GTPBP1: variants seen among roughly 807,000 people sequenced by gnomAD.
GTPBP1 encodes the protein GTP binding protein 1.
A neutral mutation model predicts 62.0 loss-of-function variants in GTPBP1; 23 were observed. That is an observed-to-expected ratio of 0.37 (90% CI 0.27 to 0.53). The LOEUF (loss-of-function observed/expected upper bound fraction) is 0.53. Ranked by LOEUF, GTPBP1 falls within the 20% of genes least tolerant of loss-of-function variation. The probability of loss-of-function intolerance (pLI) is 0.89; values close to 1 mark genes in which losing one functional copy is unlikely to be tolerated. For synonymous variants in GTPBP1, 344 were observed against 364.4 expected (o/e 0.94, Z 0.64); for missense variants, 640 against 917.3 (o/e 0.70, Z 3.90).
chr22:38,736,342 C>A, downstream of GTPBP1: 1 of 1,613,992 alleles, frequency 6.2e-7, no homozygotes, highest in East Asian at 2.2e-5. Flanking sequence ...TAGTCAGGAT[C>A]CGCAGCTCCA....
chr22:38,742,367 C>G, downstream of GTPBP1: 1 of 1,613,144 alleles, frequency 6.2e-7, no homozygotes, highest in Admixed American at 1.7e-5. Context: ...GGCTCACTAG[C>G]CCCTCCAGCA....
At chr22:38,724,682 G>A (rs2092717915) in intron 6 of GTPBP1, among the ~76,000 whole-genome samples, 1 of 152,212 alleles carries the variant, frequency 6.6e-6, no homozygotes, top group African/African-American at 2.4e-5. Context: ...TGAGACTTCA[G>A]TGTCCTTATC....
Position 38,727,230 on chromosome 22 carries a change from C to A in GTPBP1, c.1419C>A (p.Ile473=). 6.3e-7 allele frequency: 1 copy of A among 1,593,082 alleles called. No homozygotes were observed. The highest frequency in any genetic ancestry group is 8.5e-7 in the Non-Finnish European group (1 of 1,170,112). The change falls in exon 9 of 12, where the codon ATC becomes ATA. Residue 473 remains isoleucine (I), a synonymous_variant. Transcript: ENST00000216044. This position sits in a 1 kb window ranked among gnomAD's most constrained non-coding sequence, Gnocchi z 6.5. Reference sequence around the variant, plus strand: ...TCTTTCAGATCAAGCGCTCGTCCATCCGGAAGGGCATGGTGATGGTTTCCC... The same window carrying A: ...TCTTTCAGATCAAGCGCTCGTCCATACGGAAGGGCATGGTGATGGTTTCCC... The part of the protein sequence containing the change: ...FALKKIKRSS[I]RKGMVMVSPR...
rs528900105 is a variant in GTPBP1, at chr22:38,727,554, A to G, written c.1537+206A>G. 2.5e-4 allele frequency among the ~76,000 whole-genome samples: 38 copies of G among 152,348 alleles called. No homozygotes were observed. Among genetic ancestry groups the G allele is most frequent in the African/African-American group, 8.7e-4 (36 of 41,586 alleles). On this transcript the variant is annotated intron_variant, in intron 9 of 11. Transcript: ENST00000216044. The surrounding 1 kb of genome is among the most constrained non-coding windows in gnomAD (Gnocchi z 6.5). Reference sequence around the variant, plus strand: ...ACTGAGGGCTGGGCTCTTGAGACCCAGACCTGTCCTCAGGGACCTCACATG... The same window carrying G: ...ACTGAGGGCTGGGCTCTTGAGACCCGGACCTGTCCTCAGGGACCTCACATG...
chr22:38,730,995 C>A lies in GTPBP1; in HGVS notation c.*291C>A. ...AGTTTTTATTCTGTTTATTATATGTCTCTGTCTCTCTCTATTGTGTGTGTG... is the reference window on the plus strand; with the variant it reads ...AGTTTTTATTCTGTTTATTATATGTATCTGTCTCTCTCTATTGTGTGTGTG... On this transcript the variant is annotated 3_prime_UTR_variant, in exon 12 of 12. Transcript: ENST00000216044. This position sits in a 1 kb window ranked among gnomAD's most constrained non-coding sequence, Gnocchi z 5.6. The A allele has an allele frequency of 2.6e-6, 1 of 390,848 alleles. No homozygotes were observed. Among genetic ancestry groups the A allele is most frequent in the Non-Finnish European group, 4.5e-6 (1 of 221,910 alleles). 24.2% of individuals were successfully genotyped at this position (390,848 alleles called of 1,614,324 possible). A position where few individuals can be genotyped will look rare whatever the true frequency, so the allele number is the denominator to read the frequency against.
At chr22:38,740,851 G>T, downstream of GTPBP1, 1 of 789,616 alleles carries the variant, frequency 1.3e-6, no homozygotes, top group Non-Finnish European at 2.1e-6. This position sits in a 1 kb window ranked among gnomAD's most constrained non-coding sequence, Gnocchi z 4.8. Context: ...CAGGCCCTGG[G>T]CAGGGGTCCT....
At chr22:38,734,978 A>C (rs2092789452), downstream of GTPBP1, 1 of 284,050 alleles carries the variant, frequency 3.5e-6, no homozygotes, top group Non-Finnish European at 7.0e-6. Flanking sequence ...ACCACCAGAC[A>C]CAGCCGGAAC....
intron 5 of GTPBP1, 151 bp downstream of exon 5, chr22:38,722,016 T>C (rs1167065482): frequency 6.5e-6 from 3 of 458,590 alleles, no homozygotes; most frequent in African/African-American, 5.9e-5. Context: ...ATTTTTATTA[T>C]GTGCTCTACA....
At chr22:38,724,828 CTGT>C (rs2092718873) in intron 6 of GTPBP1, among the ~76,000 whole-genome samples, 1 of 152,186 alleles carries the variant, frequency 6.6e-6, no homozygotes, top group East Asian at 1.9e-4. Context: ...GTTTTTTATA[CTGT>C]TGTTCCTCAA....
chr22:38,709,511 CA>C (rs746219980), intron 2 of GTPBP1, among the ~76,000 whole-genome samples: 94 of 152,228 alleles, frequency 6.2e-4, no homozygotes, highest in Non-Finnish European at 3.5e-4. Context: ...TCTCTATTTG[CA>C]TAAGAGGAAA....
At chr22:38,742,663 A>T, downstream of GTPBP1, 1 of 1,420,172 alleles carries the variant, frequency 7.0e-7, no homozygotes, top group Non-Finnish European at 9.4e-7. Context: ...AAGATTCCAG[A>T]GACGTTCCAG....
chr22:38,740,552 T>C (rs1030834383), downstream of GTPBP1: 30 of 1,146,554 alleles, frequency 2.6e-5, no homozygotes, highest in Non-Finnish European at 3.4e-5. This position sits in a 1 kb window ranked among gnomAD's most constrained non-coding sequence, Gnocchi z 4.8. Context: ...CCAGCACTCA[T>C]TGTGAACCTG....
downstream of GTPBP1, chr22:38,740,993 G>T: frequency 6.3e-7 from 1 of 1,587,146 alleles, no homozygotes; most frequent in Non-Finnish European, 8.6e-7. This position sits in a 1 kb window ranked among gnomAD's most constrained non-coding sequence, Gnocchi z 4.8. Context: ...AGGCCAGCTG[G>T]TGGCGCCCAG....
At chr22:38,736,216 G>T (rs1445878573), downstream of GTPBP1, 1 of 1,534,756 alleles carries the variant, frequency 6.5e-7, no homozygotes. Context: ...AAGCGGCGGG[G>T]TGCTGTTCAC....
downstream of GTPBP1, chr22:38,736,566 T>G (rs1328778816): frequency 4.1e-6 from 2 of 487,430 alleles, no homozygotes; most frequent in Non-Finnish European, 7.3e-6. Flanking sequence ...TTCCAGCCAG[T>G]GGGTTAAGGG....
chr22:38,738,716 C>G (rs769348599), downstream of GTPBP1: 1 of 1,613,492 alleles, frequency 6.2e-7, no homozygotes, highest in Non-Finnish European at 8.5e-7. The surrounding 1 kb of genome is among the most constrained non-coding windows in gnomAD (Gnocchi z 6.6). Context: ...AGCCTTGTGG[C>G]CCCTGGAAGG....
intron 5 of GTPBP1, among the ~76,000 whole-genome samples, chr22:38,722,363 A>G (rs538650304): frequency 5.9e-5 from 9 of 152,334 alleles, no homozygotes; most frequent in Non-Finnish European, 1.0e-4. Context: ...GCTTAATACA[A>G]AGACATTCAA....
chr22:38,735,473 A>G, downstream of GTPBP1: 1 of 296,088 alleles, frequency 3.4e-6, no homozygotes, highest in South Asian at 2.7e-5. Context: ...GAATGTGGAA[A>G]GCAAGCTCAG....
chr22:38,739,071 G>A (rs1393527675), downstream of GTPBP1: 1 of 1,360,500 alleles, frequency 7.4e-7, no homozygotes, highest in East Asian at 2.5e-5. The surrounding 1 kb of genome is among the most constrained non-coding windows in gnomAD (Gnocchi z 6.7). Flanking sequence ...CTCGCTGAAG[G>A]TGGACGGCAG....
Sources: gnomAD v4.1 joint callset for allele counts (sites outside exome capture counted in the v4.1 genomes callset) on GRCh38, gnomAD v4.1.1 for gene constraint, Gnocchi (gnomAD v3.1) non-coding constraint, MANE v1.5 for transcripts, NCBI Gene and HGNC (gene_info 2026-07-23, HGNC 2026-07-21) for gene names.